BRF1: variants seen among roughly 807,000 people sequenced by gnomAD.
The protein encoded by BRF1 is transcription factor IIIB 90 kDa subunit.
BRF1 carries 59 observed loss-of-function variants against 81.7 expected under a neutral mutation model. The ratio of observed to expected loss-of-function variants is 0.72; its 90% confidence interval spans 0.59 to 0.90. The LOEUF (loss-of-function observed/expected upper bound fraction) is 0.90. BRF1 is among the 40% of genes least tolerant of loss of function. BRF1 has a pLI of 0.00. For missense variants in BRF1, 1,050 were observed against 936.3 expected (o/e 1.12, Z -1.58); for synonymous variants, 491 against 395.6 (o/e 1.24, Z -2.86).
At chr14:105,281,099 A>G (rs369380869) in intron 2 of BRF1, among the ~76,000 whole-genome samples, 108 of 82,216 alleles carry the variant, frequency 1.3e-3, no homozygotes, top group African/African-American at 2.1e-3. Context: ...CCCTGAGCCC[A>G]GGTGTGTGGA....
intron 5 of BRF1, chr14:105,247,184 T>G: frequency 1.0e-6 from 1 of 985,432 alleles, no homozygotes; most frequent in Non-Finnish European, 1.2e-6. Context: ...GGTGGGTGTG[T>G]CCTTGGCGGG....
rs988375029 is a variant in BRF1, at chr14:105,222,016, G to C, written c.1049-102C>G. On this transcript the variant is annotated intron_variant, in intron 10 of 17. Coordinates refer to ENST00000547530, the MANE Select transcript of BRF1 (RefSeq NM_001519.4). ...AAGCTGCCAGGTAACCCATAGAACG[G>C]CTGTCAGTGCACGGTGCCTGGCGGT... 126 of 1,409,212 alleles carry C rather than the reference G, an allele frequency of 8.9e-5. No homozygotes were observed. The African/African-American group carries it at 1.8e-3, about 20-fold the overall frequency. The allele number at this position is 1,409,212 out of a possible 1,614,324, so 87.3% of individuals were successfully genotyped here.
chr14:105,265,054 G>GTTTTTTTTTTTTTTTT (rs587673120), intron 3 of BRF1, among the ~76,000 whole-genome samples: 2 of 130,110 alleles, frequency 1.5e-5, no homozygotes, highest in Non-Finnish European at 1.6e-5. Context: ...CCTTTTTTTT[G>GTTTTTTTTTTTTTTTT]TTTTTTTTTT....
chr14:105,241,580 G>T, intron 5 of BRF1, 166 bp from the exon 6 acceptor site: 1 of 886,068 alleles, frequency 1.1e-6, no homozygotes, highest in Non-Finnish European at 1.7e-6. Context: ...CTCAGCTAGG[G>T]CAGCCATCGC....
At chr14:105,285,621 T>C (rs587736112) in intron 2 of BRF1, among the ~76,000 whole-genome samples, 46 of 152,306 alleles carry the variant, frequency 3.0e-4, no homozygotes, top group African/African-American at 1.1e-3. Context: ...TTAGTTATGA[T>C]ACCAAAAGCA....
At position 105,228,891 on chromosome 14, in the gene BRF1, C is replaced by A. The variant is rs762722957; in HGVS notation, c.717G>T (p.Met239Ile). 44 of 1,613,652 alleles carry A rather than the reference C, an allele frequency of 2.7e-5. No homozygotes were observed. The highest frequency in any genetic ancestry group is 3.6e-5 in the Non-Finnish European group (43 of 1,180,016). The change falls in exon 7 of 18, where the codon ATG becomes ATT. Residue 239 changes from methionine (M) to isoleucine (I), a missense_variant. This residue lies in a region of BRF1 where 1,043 missense variants were observed against 915.4 expected (regional missense o/e 1.14). Coordinates refer to ENST00000547530, the MANE Select transcript of BRF1 (RefSeq NM_001519.4). ...CCTTCACAGTCCTCCTGAAGTCATGCATTCTGGCTGCAACCAGGAGCGCTG... is the reference window on the plus strand; with the variant it reads ...CCTTCACAGTCCTCCTGAAGTCATGAATTCTGGCTGCAACCAGGAGCGCTG... ...CGAALLVAAR[M>I]HDFRRTVKEV... is the part of the protein sequence containing the mutation.
intron 5 of BRF1, chr14:105,247,715 G>A: frequency 8.1e-6 from 8 of 985,484 alleles, no homozygotes; most frequent in Non-Finnish European, 8.4e-6. Flanking sequence ...CTAAAGCCTG[G>A]CGGTCCAGGA....
chr14:105,264,666 C>CAA (rs56970432), intron 3 of BRF1, among the ~76,000 whole-genome samples: 108 of 60,642 alleles, frequency 1.8e-3, no homozygotes, highest in East Asian at 3.0e-3. Flanking sequence ...GACTCCATCT[C>CAA]AAAAAAAAAA....
Position 105,297,913 on chromosome 14 carries a change from G to A in BRF1, c.184+2533C>T, listed in dbSNP as rs181263575. ...TGGGAGGCTGAGGCAGGAGAATGGC[G>A]TGAAGCCAGGAGGCGGAGCTTGCAG... On this transcript the variant is annotated intron_variant, in intron 1 of 17. Transcript: ENST00000547530. Among the ~76,000 whole-genome samples, 138 of 152,198 alleles carry A rather than the reference G, an allele frequency of 9.1e-4. 1 individual carries two copies. The highest frequency in any genetic ancestry group is 1.4e-3 in the East Asian group (7 of 5,164).
chr14:105,315,210 C>A lies in BRF1; in HGVS notation c.-162+112G>T. 4.3e-6 allele frequency: 1 copy of A among 231,574 alleles called. No homozygotes were observed. Among genetic ancestry groups the A allele is most frequent in the Non-Finnish European group, 7.3e-6 (1 of 136,204 alleles). 14.3% of individuals were successfully genotyped at this position (231,574 alleles called of 1,614,324 possible). ...AGCCGCCGCCCCCCCGCAGCTCCGG[C>A]AAGCGCGGCCCCAGCCCCCCAGGTC... On this transcript the variant is annotated intron_variant, in intron 1 of 17. Transcript: ENST00000327359. This position sits in a 1 kb window ranked among gnomAD's most constrained non-coding sequence, Gnocchi z 4.4.
At chr14:105,222,388 C>T (rs767316162) in intron 10 of BRF1, 1 of 155,018 alleles carries the variant, frequency 6.5e-6, no homozygotes, top group South Asian at 2.0e-4. Context: ...AAAACACAAC[C>T]CAATTAAAAA....
intron 14 of BRF1, among the ~76,000 whole-genome samples, chr14:105,218,746 C>A (rs1891744924): frequency 1.3e-5 from 2 of 152,216 alleles, no homozygotes; most frequent in South Asian, 4.1e-4. Context: ...CCCGGTGCTG[C>A]ATCCAGAAGG....
At chr14:105,220,218 G>T in intron 11 of BRF1, 88 bp from the exon 12 acceptor site, 1 of 1,522,826 alleles carries the variant, frequency 6.6e-7, no homozygotes, top group Non-Finnish European at 9.0e-7. Flanking sequence ...AGGACCCTGG[G>T]TCTGGGCTAA....
intron 12 of BRF1, 146 bp downstream of exon 12, chr14:105,219,923 T>C (rs1892003016): frequency 1.2e-6 from 1 of 842,286 alleles, no homozygotes; most frequent in Non-Finnish European, 1.9e-6. Flanking sequence ...CCGGGAACAG[T>C]GGCCAGAAGG....
chr14:105,306,525 G>C (rs587764542), intron 1 of BRF1, among the ~76,000 whole-genome samples: 1 of 152,006 alleles, frequency 6.6e-6, no homozygotes, highest in Non-Finnish European at 1.5e-5. Flanking sequence ...GGATGGCCTC[G>C]ATCTCCTGAC....
intron 15 of BRF1, among the ~76,000 whole-genome samples, chr14:105,215,955 A>G (rs587748478): frequency 3.5e-5 from 5 of 144,098 alleles, no homozygotes; most frequent in Non-Finnish European, 6.0e-5. Context: ...AGACACAGGC[A>G]CACACACACA....
At position 105,209,652 on chromosome 14, in the gene BRF1, TG is replaced by T; in HGVS notation, c.*898del. 2.9e-6 allele frequency: 2 copies of T among 683,694 alleles called. No homozygotes were observed. Among genetic ancestry groups the T allele is most frequent in the Non-Finnish European group, 2.7e-6 (1 of 374,086 alleles). The allele number at this position is 683,694 out of a possible 1,614,324, so 42.4% of individuals were successfully genotyped here. ...GCCTCCGTCTGCCCTCCCTCCTCGA[TG>T]GGGGGCCTGATCCAGCTCTGACAGG... is the stretch of plus-strand genomic sequence containing the variant. On this transcript the variant is annotated 3_prime_UTR_variant, in exon 18 of 18. Coordinates refer to ENST00000547530, the MANE Select transcript of BRF1 (RefSeq NM_001519.4).
At chr14:105,298,700 C>A (rs2057842576) in intron 1 of BRF1, among the ~76,000 whole-genome samples, 1 of 151,114 alleles carries the variant, frequency 6.6e-6, no homozygotes, top group Non-Finnish European at 1.5e-5. Context: ...ACTAAAAATA[C>A]AAAAATTAGC....
chr14:105,267,134 G>A (rs1402712975), intron 3 of BRF1, among the ~76,000 whole-genome samples: 2 of 152,190 alleles, frequency 1.3e-5, no homozygotes, highest in Non-Finnish European at 2.9e-5. Flanking sequence ...AACTCAAACA[G>A]TAAGATCGAC....
Sources: gnomAD v4.1 joint callset for allele counts (sites outside exome capture counted in the v4.1 genomes callset) on GRCh38, gnomAD v4.1.1 for gene constraint, gnomAD v4.1.1 regional missense constraint, Gnocchi (gnomAD v3.1) non-coding constraint, MANE v1.5 for transcripts, NCBI Gene and HGNC (gene_info 2026-07-23, HGNC 2026-07-21) for gene names.